The following NRN1L variants were observed in gnomAD, a reference collection of about 807,000 sequenced individuals.
NRN1L encodes the protein neuritin-like protein.
A neutral mutation model predicts 8.8 loss-of-function variants in NRN1L; 12 were observed. That is an observed-to-expected ratio of 1.36 (90% CI 0.87 to 2.20). The LOEUF is 2.20. NRN1L is among the 30% of genes most tolerant of loss of function. NRN1L has a pLI of 0.00. For missense variants in NRN1L, 266 were observed against 232.4 expected (o/e 1.14, Z -0.94); for synonymous variants, 114 against 99.2 (o/e 1.15, Z -0.88).
chr16:67,885,183 T>G (rs1394522082), intron 1 of NRN1L: 8 of 602,318 alleles, frequency 1.3e-5, no homozygotes, highest in East Asian at 8.3e-5. Context: ...AAAATTTGCA[T>G]CCCCTCTTAT....
At position 67,886,036 on chromosome 16, in the gene NRN1L, C is replaced by T; in HGVS notation, c.275C>T (p.Ala92Val). The stretch of plus-strand genomic sequence containing the variant: ...CTGTCAGGCTGTCCGGAGGAGGCAG[C>T]TGCAGTGTGGGAATCACTACAGCAA... The part of the protein sequence containing the change: ...QVLSGCPEEA[A>V]AVWESLQQEA... The change falls in exon 3 of 3, where the codon GCT becomes GTT. Residue 92 changes from alanine (A) to valine (V), a missense_variant. By Grantham distance (64) the Ala-to-Val change is moderately conservative (BLOSUM62 0). Coordinates refer to ENST00000339176, the MANE Select transcript of NRN1L (RefSeq NM_198443.2). The T allele has an allele frequency of 2.5e-6, 4 of 1,614,124 alleles. No homozygotes were observed. The highest frequency in any genetic ancestry group is 2.5e-6 in the Non-Finnish European group (3 of 1,180,000).
At chr16:67,885,684 AC>A in intron 1 of NRN1L, 37 bp from the exon 2 acceptor site, 1 of 1,336,862 alleles carries the variant, frequency 7.5e-7, no homozygotes, top group Non-Finnish European at 1.0e-6. Context: ...CATCCTATCT[AC>A]CATTCCTTCC....
chr16:67,885,036 C>T, intron 1 of NRN1L, 54 bp downstream of exon 1: 2 of 1,476,574 alleles, frequency 1.4e-6, no homozygotes, highest in Non-Finnish European at 9.4e-7. Flanking sequence ...CCAGCCAAGC[C>T]AGGCTGGGCA....
At chr16:67,885,232 AG>A (rs2058090411) in intron 1 of NRN1L, 3 of 591,412 alleles carry the variant, frequency 5.1e-6, no homozygotes, top group Non-Finnish European at 9.1e-6. Context: ...CTTATAGACC[AG>A]TCGTAGGATC....
Position 67,885,711 on chromosome 16 carries a change from C to CCCCCA in NRN1L, c.80-9_80-8insCCACC. ...CATTCCTTCCCCACCCCACCCCCGCCCCACTTCTAGTCCTTTTACCTCCCC... is the reference window on the plus strand; with the variant it reads ...CATTCCTTCCCCACCCCACCCCCGCCCCCCACCACTTCTAGTCCTTTTACCTCCCC... On this transcript the variant is annotated splice_polypyrimidine_tract_variant and intron_variant, in intron 1 of 2. Coordinates refer to ENST00000339176, the MANE Select transcript of NRN1L (RefSeq NM_198443.2). 1 of 1,504,302 alleles carries CCCCCA rather than the reference C, an allele frequency of 6.6e-7. No homozygotes were observed. The highest frequency in any genetic ancestry group is 9.1e-7 in the Non-Finnish European group (1 of 1,100,144). The allele number at this position is 1,504,302 out of a possible 1,614,324, so 93.2% of individuals were successfully genotyped here. A position where few individuals can be genotyped will look rare whatever the true frequency, so the allele number is the denominator to read the frequency against.
At position 67,885,704 on chromosome 16, in the gene NRN1L, C is replaced by CCCCCCCCCCCCAGCA; in HGVS notation, c.80-14_80-13insCCCCCCCAGCACCCC. On this transcript the variant is annotated splice_polypyrimidine_tract_variant and intron_variant, in intron 1 of 2. Transcript: ENST00000339176. Reference sequence around the variant, plus strand: ...TATCTACCATTCCTTCCCCACCCCACCCCCGCCCCACTTCTAGTCCTTTTA... The same window carrying CCCCCCCCCCCCAGCA: ...TATCTACCATTCCTTCCCCACCCCACCCCCCCCCCCCAGCACCCCGCCCCACTTCTAGTCCTTTTA... 1 of 1,306,066 alleles carries CCCCCCCCCCCCAGCA rather than the reference C, an allele frequency of 7.7e-7. No individual in the cohort carries two copies. The highest frequency in any genetic ancestry group is 1.1e-6 in the Non-Finnish European group (1 of 935,632). The allele number at this position is 1,306,066 out of a possible 1,614,324, so 80.9% of individuals were successfully genotyped here.
intron 1 of NRN1L, 24 bp from the exon 2 acceptor site, chr16:67,885,694 CCCCA>C: frequency 8.4e-6 from 7 of 832,286 alleles, no homozygotes; most frequent in Non-Finnish European, 1.3e-5. Context: ...ACCATTCCTT[CCCCA>C]CCCCACCCCC....
At position 67,885,661 on chromosome 16, in the gene NRN1L, G is replaced by A. The variant is rs539741822; in HGVS notation, c.80-61G>A. 8 of 1,355,402 alleles carry A rather than the reference G, an allele frequency of 5.9e-6. No individual in the cohort carries two copies. The Admixed American group carries it at 1.4e-4, about 25-fold the overall frequency. 84.0% of individuals were successfully genotyped at this position (1,355,402 alleles called of 1,614,324 possible). ...GTAAACAAGCCCCTGGGGGCTGGGG[G>A]ATGAGCCTGGCTCATCCTATCTACC... On this transcript the variant is annotated intron_variant, in intron 1 of 2. Transcript: ENST00000339176.
At chr16:67,885,251 C>T (rs2058090527) in intron 1 of NRN1L, 2 of 581,986 alleles carry the variant, frequency 3.4e-6, no homozygotes, top group Admixed American at 3.1e-5. Context: ...ATCCCTAAGT[C>T]CTCTCTGAGG....
chr16:67,885,992 T>A lies in NRN1L; in HGVS notation c.231T>A (p.His77Gln), dbSNP rs1431501342. Residue 77 changes from histidine (H) to glutamine (Q), a missense_variant, in exon 3 of 3, where the codon CAT becomes CAA. Coordinates refer to ENST00000339176, the MANE Select transcript of NRN1L (RefSeq NM_198443.2). ...ETICRSWNDFHACASQVLSGC... is the reference protein window; with the variant it reads ...ETICRSWNDFQACASQVLSGC... ...TTAACAGGTCTTGGAATGACTTCCA[T>A]GCCTGTGCCTCTCAGGTCCTGTCAG... The A allele has an allele frequency of 6.2e-7, 1 of 1,614,058 alleles. No individual in the cohort carries two copies. The highest frequency in any genetic ancestry group is 1.7e-5 in the Admixed American group (1 of 60,010).
downstream of NRN1L, chr16:67,888,580 G>A (rs1333687539): frequency 6.6e-6 from 1 of 152,182 alleles, no homozygotes; most frequent in African/African-American, 2.4e-5. Context: ...TGGAGGAGAG[G>A]GGTGGGCTGA....
Position 67,886,131 on chromosome 16 carries a change from C to T in NRN1L, c.370C>T (p.Arg124Cys), listed in dbSNP as rs200024757. ...CGGTGCCCCGGTGCATGTTCGGGAGCGCGGCACAGGCTCCGAAACCAACCA... is the reference window on the plus strand; with the variant it reads ...CGGTGCCCCGGTGCATGTTCGGGAGTGCGGCACAGGCTCCGAAACCAACCA... Reference protein sequence around the residue: ...LCGAPVHVRERGTGSETNQET... With the variant: ...LCGAPVHVRECGTGSETNQET... Residue 124 changes from arginine (R) to cysteine (C), a missense_variant, in exon 3 of 3, where the codon CGC becomes TGC. Coordinates refer to ENST00000339176, the MANE Select transcript of NRN1L (RefSeq NM_198443.2). 26 of 1,612,194 alleles carry T rather than the reference C, an allele frequency of 1.6e-5. No homozygotes were observed. The highest frequency in any genetic ancestry group is 4.0e-5 in the African/African-American group (3 of 75,030).
intron 2 of NRN1L, 45 bp downstream of exon 2, chr16:67,885,899 G>T: frequency 6.3e-7 from 1 of 1,576,692 alleles, no homozygotes; most frequent in Non-Finnish European, 8.6e-7. Context: ...GCCACCATTG[G>T]GGACTGAACC....
chr16:67,887,972 C>T (rs1330339425), downstream of NRN1L, among the ~76,000 whole-genome samples: 1 of 152,220 alleles, frequency 6.6e-6, no homozygotes, highest in Non-Finnish European at 1.5e-5. Context: ...CTAACCCTGA[C>T]TACAAGCTGA....
At chr16:67,885,419 T>G (rs1389103777) in intron 1 of NRN1L, 4 of 478,848 alleles carry the variant, frequency 8.4e-6, no homozygotes, top group East Asian at 3.9e-5. Flanking sequence ...CCCTCCACCC[T>G]GTCCTGACTC....
chr16:67,887,828 C>T (rs1356100339), downstream of NRN1L, among the ~76,000 whole-genome samples: 3 of 152,172 alleles, frequency 2.0e-5, no homozygotes, highest in African/African-American at 7.2e-5. Context: ...ATGATCCACC[C>T]GCCTCGGCCT....
rs371752883 is a variant in NRN1L at position 67,886,195 on chromosome 16, C to G, written c.434C>G (p.Ala145Gly). 1 of 1,602,624 alleles carries G rather than the reference C, an allele frequency of 6.2e-7. No individual in the cohort carries two copies. Among genetic ancestry groups the G allele is most frequent in the South Asian group, 1.1e-5 (1 of 90,720 alleles). Residue 145 changes from alanine to glycine, a missense_variant, in exon 3 of 3, where the codon GCC becomes GGC. Ala to Gly is a moderately conservative substitution (Grantham distance 60, BLOSUM62 0). Transcript: ENST00000339176. The part of the protein sequence containing the change: ...LRATAPALPM[A>G]PAPPLLAAAL... ...GCTACAGCGCCTGCACTCCCCATGG[C>G]CCCTGCGCCCCCACTGCTGGCGGCT...
chr16:67,886,456 G>C (rs1408590152), downstream of NRN1L: 3 of 592,736 alleles, frequency 5.1e-6, no homozygotes, highest in African/African-American at 5.6e-5. Flanking sequence ...TGGATGGAAT[G>C]GGCGGGGCTG....
downstream of NRN1L, among the ~76,000 whole-genome samples, chr16:67,887,868 C>G (rs1369688716): frequency 6.6e-6 from 1 of 152,200 alleles, no homozygotes; most frequent in African/African-American, 2.4e-5. Context: ...GCGTGAGCCA[C>G]CGCGCCCGGC....
Sources: allele counts gnomAD v4.1 joint callset (sites outside exome capture counted in the v4.1 genomes callset), GRCh38; gene constraint gnomAD v4.1.1; transcripts MANE v1.5; gene names NCBI Gene and HGNC (gene_info 2026-07-23, HGNC 2026-07-21).